Variants in ZFYVE26 observed in about 807,000 individuals in gnomAD.
ZFYVE26 encodes the protein zinc finger FYVE-type containing 26, also known as zinc finger FYVE domain-containing protein 26.
A neutral mutation model predicts 276.5 loss-of-function variants in ZFYVE26; 181 were observed. The observed-to-expected ratio is 0.65, with a 90% CI of 0.58 to 0.74. The LOEUF is 0.74. Ranked by LOEUF, ZFYVE26 falls within the 30% of genes least tolerant of loss-of-function variation. The pLI is 0.00. For missense variants in ZFYVE26, 2,821 were observed against 3,097.9 expected, an observed-to-expected ratio of 0.91 and a Z score of 2.12; for synonymous variants, 1,129 against 1,203.1, an observed-to-expected ratio of 0.94 and a Z score of 1.27.
In ZFYVE26 at chr14:67,748,179, C is replaced by T. The variant is rs1193264190; in HGVS notation, c.*257G>A. ...GCACACGTGTGTGCACACATACTCA[C>T]TCACTCACTCTGAGGTAGAAAGAAC... On this transcript the variant is annotated 3_prime_UTR_variant, in exon 42 of 42. Transcript: ENST00000347230. 1 of 558,054 alleles carries T rather than the reference C, an allele frequency of 1.8e-6. No individual in the cohort carries two copies. Among genetic ancestry groups the T allele is most frequent in the Non-Finnish European group, 3.2e-6 (1 of 309,452 alleles). 34.6% of individuals were successfully genotyped at this position (558,054 alleles called of 1,614,324 possible).
intron 28 of ZFYVE26, among the ~76,000 whole-genome samples, chr14:67,771,699 G>A (rs1046595880): frequency 6.6e-6 from 1 of 152,110 alleles, no homozygotes; most frequent in Non-Finnish European, 1.5e-5. Flanking sequence ...TCTGTCTCCT[G>A]AGTCAGTGCA....
intron 13 of ZFYVE26, chr14:67,735,068 A>G (rs2038335952): frequency 1.4e-6 from 1 of 701,542 alleles, no homozygotes; most frequent in African/African-American, 1.7e-5. Context: ...CCAACAGCAA[A>G]TGACACCAAA....
chr14:67,792,366 A>G (rs2039836686), intron 14 of ZFYVE26, among the ~76,000 whole-genome samples: 1 of 152,222 alleles, frequency 6.6e-6, no homozygotes, highest in African/African-American at 2.4e-5. Flanking sequence ...TATTAAGTTT[A>G]ATAACTTGTT....
intron 13 of ZFYVE26, among the ~76,000 whole-genome samples, chr14:67,735,598 CTCAACATACAGGAAACAAGA>C (rs1220184309): frequency 1.3e-5 from 2 of 152,190 alleles, no homozygotes; most frequent in Non-Finnish European, 2.9e-5. Context: ...CAGAGTGCCC[CTCAACATACAGGAAACAAGA>C]TCCTGGATGA....
At position 67,803,983 on chromosome 14, in the gene ZFYVE26, T is replaced by G. The variant is rs1393385326; in HGVS notation, c.1435+118A>C. 26 of 1,403,470 alleles carry G rather than the reference T, an allele frequency of 1.9e-5. 1 individual carries two copies. Among genetic ancestry groups the G allele is most frequent in the Non-Finnish European group, 2.6e-5 (26 of 995,056 alleles). The allele number at this position is 1,403,470 out of a possible 1,614,324, so 86.9% of individuals were successfully genotyped here. A position where few individuals can be genotyped will look rare whatever the true frequency, so the allele number is the denominator to read the frequency against. On this transcript the variant is annotated intron_variant, in intron 9 of 41. Coordinates refer to ENST00000347230, the MANE Select transcript of ZFYVE26 (RefSeq NM_015346.4). ...AAACAGTGCTCATTTAGAGGAGACC[T>G]CCTCACCACCCTCTTGAAAGATCTC...
intron 20 of ZFYVE26, 132 bp from the exon 21 acceptor site, chr14:67,783,657 C>T (rs2039571431): frequency 8.3e-7 from 1 of 1,201,792 alleles, no homozygotes; most frequent in Non-Finnish European, 1.2e-6. Context: ...TTTTTTAAAA[C>T]ACAAAAAGTA....
chr14:67,772,210 C>T lies in ZFYVE26; in HGVS notation c.5321G>A (p.Gly1774Asp), dbSNP rs756963060. 6.2e-7 allele frequency: 1 copy of T among 1,612,098 alleles called. No individual in the cohort carries two copies. Among genetic ancestry groups the T allele is most frequent in the African/African-American group, 1.3e-5 (1 of 74,778 alleles). ...SAEFSPAAPP[G>D]ISSIHSPSLR... ...ACTAGGGGAATGTATACTGGAGATA[C>T]CTGGGAGGCAGAGCCAGAGGTCAGA... Residue 1774 changes from glycine to aspartate, a missense_variant and splice_region_variant, in exon 28 of 42, where the codon GGT becomes GAT. Physicochemically the swap from Gly to Asp is moderately conservative, Grantham distance 94. Coordinates refer to ENST00000347230, the MANE Select transcript of ZFYVE26 (RefSeq NM_015346.4).
intron 10 of ZFYVE26, among the ~76,000 whole-genome samples, chr14:67,801,039 C>T (rs193086172): frequency 2.0e-4 from 30 of 152,070 alleles, no homozygotes; most frequent in African/African-American, 6.0e-4. Context: ...CATCACCTGA[C>T]GTCAGGAGTT....
chr14:67,782,166 T>C (rs1337334669), intron 21 of ZFYVE26, among the ~76,000 whole-genome samples: 2 of 152,224 alleles, frequency 1.3e-5, no homozygotes, highest in African/African-American at 4.8e-5. Flanking sequence ...CCAACTCTTG[T>C]TGCAACACTG....
chr14:67,745,005 G>A (rs1328601345), downstream of ZFYVE26, among the ~76,000 whole-genome samples: 1 of 152,120 alleles, frequency 6.6e-6, no homozygotes, highest in African/African-American at 2.4e-5. Context: ...TTCCACAATG[G>A]TTGAACTAAT....
chr14:67,781,716 A>G (rs542507221), intron 21 of ZFYVE26, among the ~76,000 whole-genome samples, 187 bp from the exon 22 acceptor site: 26 of 152,328 alleles, frequency 1.7e-4, no homozygotes, highest in African/African-American at 6.0e-4. Context: ...AAAATGCTGT[A>G]TCTCTACCCT....
intron 9 of ZFYVE26, among the ~76,000 whole-genome samples, chr14:67,803,216 A>G (rs1366639589): frequency 2.6e-5 from 4 of 152,158 alleles, no homozygotes; most frequent in African/African-American, 7.2e-5. Context: ...ACAAAAAACC[A>G]TGGTGAGAAT....
rs1346996624 is a variant in ZFYVE26, at chr14:67,746,959, C to T, written c.*1477G>A. 6.6e-6 allele frequency: 1 copy of T among 152,608 alleles called. No individual in the cohort carries two copies. The highest frequency in any genetic ancestry group is 6.5e-5 in the Admixed American group (1 of 15,276). The allele number at this position is 152,608 out of a possible 1,614,324, so 9.5% of individuals were successfully genotyped here. A position where few individuals can be genotyped will look rare whatever the true frequency, so the allele number is the denominator to read the frequency against. On this transcript the variant is annotated 3_prime_UTR_variant, in exon 42 of 42. Transcript: ENST00000347230. ...AACAGGACCAAAACTTCTCATCTGA[C>T]AGATGTCCATGAGTTGTTTATTTTA...
In ZFYVE26 at chr14:67,785,188, G is replaced by C; in HGVS notation, c.3394C>G (p.Gln1132Glu). ...TTGCCCAGGTTCTTCTGGAGGAGCT[G>C]AGTCTGGATCTGCACAGGGTGGGCC... is the stretch of plus-strand genomic sequence containing the variant. ...AEAHPVQIQT[Q>E]LLQKNLGKQT... The change falls in exon 19 of 42, where the codon CAG (glutamine) becomes GAG (glutamate). Residue 1132 changes from glutamine to glutamate, a missense_variant. Gln to Glu is a conservative substitution (Grantham distance 29). Coordinates refer to ENST00000347230, the MANE Select transcript of ZFYVE26 (RefSeq NM_015346.4). 1 of 1,614,192 alleles carries C rather than the reference G, an allele frequency of 6.2e-7. No homozygotes were observed.
At chr14:67,792,308 T>C (rs2039835412) in intron 14 of ZFYVE26, among the ~76,000 whole-genome samples, 1 of 152,186 alleles carries the variant, frequency 6.6e-6, no homozygotes, top group African/African-American at 2.4e-5. Flanking sequence ...AAAAGTATCA[T>C]TAATATGCCA....
At chr14:67,810,143 C>T (rs2040270390) in intron 3 of ZFYVE26, among the ~76,000 whole-genome samples, 2 of 152,196 alleles carry the variant, frequency 1.3e-5, no homozygotes. Context: ...CTCTTAAAAA[C>T]TAATACTTAA....
intron 30 of ZFYVE26, among the ~76,000 whole-genome samples, 156 bp from the exon 31 acceptor site, chr14:67,767,996 C>T (rs1316118657): frequency 1.3e-5 from 2 of 152,226 alleles, no homozygotes; most frequent in Non-Finnish European, 2.9e-5. Flanking sequence ...TAGGACACCC[C>T]ACTAAGCACC....
intron 8 of ZFYVE26, 70 bp from the exon 9 acceptor site, chr14:67,804,334 A>G: frequency 6.4e-7 from 1 of 1,557,626 alleles, no homozygotes; most frequent in Non-Finnish European, 8.8e-7. Flanking sequence ...ATCAATCTCC[A>G]TTCCCTCTTG....
At position 67,798,641 on chromosome 14, in the gene ZFYVE26, G is replaced by T; in HGVS notation, c.1640-19C>A. On this transcript the variant is annotated intron_variant, in intron 10 of 41. Coordinates refer to ENST00000347230, the MANE Select transcript of ZFYVE26 (RefSeq NM_015346.4). Reference sequence around the variant, plus strand: ...GCAGCACCTACAAAAACATGTACAAGAGAAGAGGCCAGAGAAAGAGAAGAC... The same window carrying T: ...GCAGCACCTACAAAAACATGTACAATAGAAGAGGCCAGAGAAAGAGAAGAC... The T allele has an allele frequency of 1.2e-6, 2 of 1,613,516 alleles. No homozygotes were observed. The highest frequency in any genetic ancestry group is 8.5e-7 in the Non-Finnish European group (1 of 1,180,018).
Sources: gnomAD v4.1 joint callset for allele counts (sites outside exome capture counted in the v4.1 genomes callset) on GRCh38, gnomAD v4.1.1 for gene constraint, MANE v1.5 for transcripts, NCBI Gene and HGNC (gene_info 2026-07-23, HGNC 2026-07-21) for gene names.